The following SHROOM2 variants were observed in gnomAD, a reference collection of about 807,000 sequenced individuals.
SHROOM2 encodes the protein protein Shroom2.
Under a neutral mutation model 75.9 loss-of-function variants are expected in SHROOM2, and 33 were observed. The observed-to-expected ratio is 0.43, with a 90% CI of 0.33 to 0.58. SHROOM2 has a LOEUF of 0.58. Ranked by LOEUF, SHROOM2 falls within the 20% of genes least tolerant of loss-of-function variation. The pLI is 0.04. For missense variants in SHROOM2, 1,434 were observed against 1,461.2 expected (o/e 0.98, Z 0.30); for synonymous variants, 655 against 663.6 (o/e 0.99, Z 0.20).
intron 3 of SHROOM2, 69 bp from the exon 4 acceptor site, chrX:9,894,289 A>C (rs2084310439): frequency 9.6e-7 from 1 of 1,046,294 alleles, no homozygotes; most frequent in Non-Finnish European, 1.3e-6. Context: ...AGCTGCGTCC[A>C]CCGCCTTGCC....
At chrX:9,824,298 C>T (rs1402920962) in intron 1 of SHROOM2, among the ~76,000 whole-genome samples, 1 of 108,535 alleles carries the variant, frequency 9.2e-6, no homozygotes, top group Non-Finnish European at 1.9e-5. Context: ...AAAAGCTGGG[C>T]GTGGTGGCAA....
In SHROOM2 at chrX:9,895,085, G is replaced by A. The variant is rs751441325; in HGVS notation, c.1177G>A (p.Ala393Thr). The part of the protein sequence containing the change: ...GGPGCPQEAH[A>T]DGSWPPSKDG... ...CCCGGGCTGCCCACAGGAGGCCCAC[G>A]CAGACGGCAGCTGGCCGCCCTCCAA... The change falls in exon 4 of 10, where the codon GCA becomes ACA. Residue 393 changes from alanine (A) to threonine (T), a missense_variant. Coordinates refer to ENST00000380913, the MANE Select transcript of SHROOM2 (RefSeq NM_001649.4). The A allele has an allele frequency of 9.1e-6, 11 of 1,208,966 alleles. No individual in the cohort carries two copies. Among genetic ancestry groups the A allele is most frequent in the East Asian group, 6.0e-5 (2 of 33,611 alleles).
At chrX:9,905,989 T>C (rs1021381437) in intron 5 of SHROOM2, among the ~76,000 whole-genome samples, 2 of 111,619 alleles carry the variant, frequency 1.8e-5, no homozygotes, top group African/African-American at 3.3e-5. Context: ...GCAGCGGCAC[T>C]GCAGTGCCCT....
chrX:9,925,746 C>T (rs186139329), intron 5 of SHROOM2, among the ~76,000 whole-genome samples: 35 of 112,416 alleles, frequency 3.1e-4, no homozygotes, highest in Admixed American at 3.0e-3. Context: ...GTGTATAATA[C>T]GTTTGTATAT....
Position 9,949,372 on chromosome X carries a change from C to T in SHROOM2, c.*2435C>T, listed in dbSNP as rs1383510127. The T allele has an allele frequency of 2.7e-5, 9 of 328,507 alleles. No individual in the cohort carries two copies. Among genetic ancestry groups the T allele is most frequent in the Non-Finnish European group, 4.1e-5 (7 of 169,664 alleles). The allele number at this position is 328,507 out of a possible 1,213,427, so 27.1% of individuals were successfully genotyped here. A position where few individuals can be genotyped will look rare whatever the true frequency, so the allele number is the denominator to read the frequency against. ...AAATGTGTGTAGATTTCATGCTCGA[C>T]ACTTACCACTCACCTATCAACAGAT... On this transcript the variant is annotated 3_prime_UTR_variant, in exon 10 of 10. Transcript: ENST00000380913.
chrX:9,913,143 C>G (rs779744791), intron 5 of SHROOM2: 1 of 112,246 alleles, frequency 8.9e-6, no homozygotes, highest in African/African-American at 3.2e-5. Flanking sequence ...ACCTGCCTGC[C>G]TCGTTTGCCT....
chrX:9,857,288 A>AC (rs1320122088), intron 1 of SHROOM2, among the ~76,000 whole-genome samples: 6 of 111,882 alleles, frequency 5.4e-5, no homozygotes, highest in Non-Finnish European at 5.6e-5. Flanking sequence ...AGTTTCCTGC[A>AC]CCAGAGCATG....
chrX:9,852,985 C>G (rs2084048535), intron 1 of SHROOM2, among the ~76,000 whole-genome samples: 1 of 111,758 alleles, frequency 8.9e-6, no homozygotes, highest in African/African-American at 3.2e-5. Flanking sequence ...TGGAACCAAT[C>G]TAGAAAAGCC....
At chrX:9,806,480 G>GTA (rs1169490063) in intron 1 of SHROOM2, among the ~76,000 whole-genome samples, 1 of 105,597 alleles carries the variant, frequency 9.5e-6, no homozygotes, top group Non-Finnish European at 1.9e-5. Flanking sequence ...ATATATGTAT[G>GTA]TATATATATG....
chrX:9,866,972 C>G (rs1035506200), intron 1 of SHROOM2, among the ~76,000 whole-genome samples: 2 of 110,173 alleles, frequency 1.8e-5, no homozygotes, highest in Admixed American at 1.9e-4. Flanking sequence ...TATCTCCACC[C>G]GAGACAGAGG....
In SHROOM2 at chrX:9,896,304, A is replaced by T; in HGVS notation, c.2396A>T (p.Lys799Met). 2.5e-6 allele frequency: 3 copies of T among 1,212,091 alleles called. No individual in the cohort carries two copies. Among genetic ancestry groups the T allele is most frequent in the Non-Finnish European group, 3.3e-6 (3 of 895,539 alleles). Residue 799 changes from lysine to methionine, a missense_variant, in exon 4 of 10, where the codon AAG becomes ATG. Coordinates refer to ENST00000380913, the MANE Select transcript of SHROOM2 (RefSeq NM_001649.4). ...GTGGGCACGTTTGCTGACAGGTGGA[A>T]GTTTTTTGAGGAAACGAGCAAACCT... The part of the protein sequence containing the change: ...DTVGTFADRW[K>M]FFEETSKPVP...
chrX:9,841,065 C>T (rs752313579), intron 1 of SHROOM2, among the ~76,000 whole-genome samples: 4 of 111,704 alleles, frequency 3.6e-5, no homozygotes, highest in African/African-American at 1.3e-4. Flanking sequence ...AAGCAATTCT[C>T]CTGCCTCAGC....
intron 1 of SHROOM2, among the ~76,000 whole-genome samples, chrX:9,816,364 G>A (rs1364909930): frequency 1.8e-5 from 2 of 112,399 alleles, no homozygotes; most frequent in Non-Finnish European, 3.8e-5. Context: ...AAAAGAATAG[G>A]ATTGGTCATT....
intron 5 of SHROOM2, among the ~76,000 whole-genome samples, chrX:9,928,428 A>G (rs1244257937): frequency 8.9e-6 from 1 of 112,965 alleles, no homozygotes; most frequent in African/African-American, 3.2e-5. Flanking sequence ...GCGAAGACAC[A>G]AAGTCTTAAG....
At chrX:9,862,547 C>T (rs1182739262) in intron 1 of SHROOM2, among the ~76,000 whole-genome samples, 1 of 111,528 alleles carries the variant, frequency 9.0e-6, no homozygotes, top group Non-Finnish European at 1.9e-5. Context: ...GGAAGCTGCC[C>T]GCCAGAGCAC....
rs1469357917 is a variant in SHROOM2, at chrX:9,937,614, C to T, written c.4068C>T (p.His1356=). ...LMEGIFPKDE[H]LLEEAQQRRK... is the part of the protein sequence containing the mutation. ...AAGGCATCTTCCCCAAAGACGAGCACCTCCTGGAAGAAGCCCAGCAACGGA... is the reference window on the plus strand; with the variant it reads ...AAGGCATCTTCCCCAAAGACGAGCATCTCCTGGAAGAAGCCCAGCAACGGA... The change falls in exon 7 of 10, where the codon CAC becomes CAT. Residue 1356 remains histidine (H), a synonymous_variant. Transcript: ENST00000380913. 1 of 1,209,208 alleles carries T rather than the reference C, an allele frequency of 8.3e-7. No homozygotes were observed. Among genetic ancestry groups the T allele is most frequent in the Non-Finnish European group, 1.1e-6 (1 of 894,810 alleles).
intron 1 of SHROOM2, among the ~76,000 whole-genome samples, chrX:9,833,328 G>A (rs959568917): frequency 9.0e-6 from 1 of 111,278 alleles, no homozygotes; most frequent in Non-Finnish European, 1.9e-5. Flanking sequence ...GTAGTGACCC[G>A]CAGTCTCTCC....
chrX:9,838,248 G>C (rs2083959472), intron 1 of SHROOM2, among the ~76,000 whole-genome samples: 2 of 109,239 alleles, frequency 1.8e-5, no homozygotes, highest in Non-Finnish European at 3.8e-5. Context: ...TTTTAGTAGA[G>C]GCAGGGTTTC....
intron 1 of SHROOM2, among the ~76,000 whole-genome samples, chrX:9,814,527 A>G (rs922322048): frequency 9.0e-6 from 1 of 111,352 alleles, no homozygotes; most frequent in Admixed American, 9.6e-5. Context: ...TGATAGGTCT[A>G]GAAGCAAACA....
Sources: gnomAD v4.1 joint callset for allele counts (sites outside exome capture counted in the v4.1 genomes callset) on GRCh38, gnomAD v4.1.1 for gene constraint, MANE v1.5 for transcripts, NCBI Gene and HGNC (gene_info 2026-07-23, HGNC 2026-07-21) for gene names.